The following AXDND1 variants were observed in gnomAD, a reference collection of about 807,000 sequenced individuals.
The protein encoded by AXDND1 is axonemal dynein light chain domain containing 1.
A neutral mutation model predicts 137.5 loss-of-function variants in AXDND1; 110 were observed. The observed-to-expected ratio is 0.80, with a 90% CI of 0.69 to 0.94. The LOEUF is 0.94. Among genes scored for constraint, AXDND1 ranks in the 40% least tolerant of loss-of-function variants. The probability of loss-of-function intolerance (pLI) is 0.00; values close to 1 mark genes in which losing one functional copy is unlikely to be tolerated. For missense variants in AXDND1, 1,191 were observed against 1,169.8 expected (o/e 1.02, Z -0.26); for synonymous variants, 414 against 399.7 (o/e 1.04, Z -0.43).
intron 12 of AXDND1, among the ~76,000 whole-genome samples, chr1:179,411,671 C>CT (rs11298764): frequency 6.7e-5 from 10 of 148,570 alleles, no homozygotes; most frequent in East Asian, 6.0e-4. Flanking sequence ...AATTAAGGGT[C>CT]TTTTTTTTTT....
rs189689876 is a variant in AXDND1, at chr1:179,427,194, A to C, written c.1231-2324A>C. Among the ~76,000 whole-genome samples the C allele has an allele frequency of 2.5e-3, 380 of 152,194 alleles. 3 individuals carry two copies. The highest frequency in any genetic ancestry group is 2.3e-3 in the East Asian group (12 of 5,186). On this transcript the variant is annotated intron_variant, in intron 12 of 25. Coordinates refer to ENST00000367618, the MANE Select transcript of AXDND1 (RefSeq NM_144696.6). ...AAAAACAAGAACAAAAACAAACAAAAAAAAACTATATATAGTTTAGTTTAT... is the reference window on the plus strand; with the variant it reads ...AAAAACAAGAACAAAAACAAACAAACAAAAACTATATATAGTTTAGTTTAT...
chr1:179,537,448 A>G (rs1671662641), intron 25 of AXDND1, among the ~76,000 whole-genome samples: 1 of 152,204 alleles, frequency 6.6e-6, no homozygotes, highest in Non-Finnish European at 1.5e-5. Flanking sequence ...CTATTGAGAT[A>G]ATCATGTGGT....
chr1:179,411,116 A>G, intron 11 of AXDND1, 30 bp from the exon 12 acceptor site: 1 of 1,494,158 alleles, frequency 6.7e-7, no homozygotes. Flanking sequence ...GTATAAATTA[A>G]ATGAAGCTGT....
intron 16 of AXDND1, chr1:179,447,796 C>T: frequency 7.7e-7 from 1 of 1,296,662 alleles, no homozygotes; most frequent in South Asian, 1.2e-5. Context: ...CACTGGGCTG[C>T]TTCCAGTTCC....
Position 179,411,266 on chromosome 1 carries a change from G to T in AXDND1, c.1230G>T (p.Lys410Asn), listed in dbSNP as rs1283266330. Residue 410 changes from lysine to asparagine, a missense_variant and splice_region_variant, in exon 12 of 26, where the codon AAG becomes AAT. Lys to Asn is a moderately conservative substitution (Grantham distance 94). Coordinates refer to ENST00000367618, the MANE Select transcript of AXDND1 (RefSeq NM_144696.6). ...WSSATYELALKVIERNRVILA... is the reference protein window; with the variant it reads ...WSSATYELALNVIERNRVILA... Reference sequence around the variant, plus strand: ...CAGCCACATATGAATTGGCCCTGAAGGTTAGTTCATCTGGATTCACAACTC... The same window carrying T: ...CAGCCACATATGAATTGGCCCTGAATGTTAGTTCATCTGGATTCACAACTC... 6.2e-7 allele frequency: 1 copy of T among 1,605,588 alleles called. No homozygotes were observed. Among genetic ancestry groups the T allele is most frequent in the Non-Finnish European group, 8.5e-7 (1 of 1,177,692 alleles).
chr1:179,546,112 CAA>C (rs1012622065), intron 25 of AXDND1: 3 of 152,094 alleles, frequency 2.0e-5, no homozygotes, highest in African/African-American at 7.2e-5. Context: ...CTCAAAGTCC[CAA>C]GAGAGAGAAA....
intron 12 of AXDND1, among the ~76,000 whole-genome samples, chr1:179,422,125 T>C (rs1221678568): frequency 1.3e-5 from 2 of 152,144 alleles, no homozygotes; most frequent in African/African-American, 4.8e-5. Flanking sequence ...ATTTCTGCTG[T>C]TATCTGTATT....
chr1:179,435,125 C>T (rs952411406), intron 15 of AXDND1, among the ~76,000 whole-genome samples: 23 of 152,186 alleles, frequency 1.5e-4, no homozygotes, highest in African/African-American at 4.6e-4. Flanking sequence ...CCTAGGAATA[C>T]AGCCAATAAG....
At chr1:179,405,654 A>G (rs1346356118) in intron 11 of AXDND1, among the ~76,000 whole-genome samples, 1 of 152,022 alleles carries the variant, frequency 6.6e-6, no homozygotes, top group Non-Finnish European at 1.5e-5. Context: ...AGGTATTCCA[A>G]TTTGTTAGTG....
intron 3 of AXDND1, among the ~76,000 whole-genome samples, chr1:179,369,252 A>G (rs1293712144): frequency 6.6e-6 from 1 of 151,632 alleles, no homozygotes; most frequent in African/African-American, 2.4e-5. Context: ...TAATTTTTGT[A>G]TTTTTCATAG....
At chr1:179,461,449 T>C (rs976444587) in intron 16 of AXDND1, among the ~76,000 whole-genome samples, 3 of 152,226 alleles carry the variant, frequency 2.0e-5, no homozygotes, top group African/African-American at 7.2e-5. Flanking sequence ...TTTTGGTTAC[T>C]GTAGCCTTGT....
intron 20 of AXDND1, among the ~76,000 whole-genome samples, chr1:179,503,772 G>T (rs1443122041): frequency 6.6e-6 from 1 of 151,676 alleles, no homozygotes; most frequent in Non-Finnish European, 1.5e-5. Context: ...TGTTCTCATT[G>T]TTCAATTCCC....
chr1:179,464,084 G>A (rs900085975), intron 16 of AXDND1, among the ~76,000 whole-genome samples: 5 of 152,120 alleles, frequency 3.3e-5, no homozygotes, highest in African/African-American at 1.2e-4. Flanking sequence ...TTGCCAGTCT[G>A]TGTCTTTTAA....
chr1:179,389,010 C>CTT (rs10682500), intron 9 of AXDND1, among the ~76,000 whole-genome samples: 135,821 of 135,962 alleles, frequency 1, 67,841 homozygotes, highest in Middle Eastern at 1. Context: ...GAGTTTCACT[C>CTT]GTCACCCAGG....
rs371172897 is a variant in AXDND1 at position 179,534,794 on chromosome 1, C to G, written c.2863C>G (p.His955Asp). 1.2e-6 allele frequency: 2 copies of G among 1,606,300 alleles called. No homozygotes were observed. Among genetic ancestry groups the G allele is most frequent in the African/African-American group, 1.3e-5 (1 of 74,414 alleles). ...TGAAGATGCATATGAGAAACTTCAT[C>G]ATACCCTTATAAAAAATAAAGATCT... Reference protein sequence around the residue: ...KFEDAYEKLHHTLIKNKDLEE... With the variant: ...KFEDAYEKLHDTLIKNKDLEE... The change falls in exon 25 of 26, where the codon CAT (histidine) becomes GAT (aspartate). Residue 955 changes from histidine (H) to aspartate (D), a missense_variant. Coordinates refer to ENST00000367618, the MANE Select transcript of AXDND1 (RefSeq NM_144696.6).
In AXDND1 at chr1:179,551,449, C is replaced by T. The variant is rs749231563; in HGVS notation, c.3032-3063C>T. The T allele has an allele frequency of 2.7e-5, 43 of 1,613,124 alleles. No individual in the cohort carries two copies. Among genetic ancestry groups the T allele is most frequent in the Non-Finnish European group, 3.4e-5 (40 of 1,180,026 alleles). ...CAGCCTTTTCCGCTTCTGCAGCAAT[C>T]ATCTAGAAAACATGTGACGAAAGCA... On this transcript the variant is annotated intron_variant, in intron 25 of 25. Coordinates refer to ENST00000367618, the MANE Select transcript of AXDND1 (RefSeq NM_144696.6).
chr1:179,491,702 A>G lies in AXDND1; in HGVS notation c.2256A>G (p.Thr752=), dbSNP rs1397972046. The change falls in exon 19 of 26, where the codon ACA becomes ACG. Residue 752 remains threonine, a synonymous_variant. Transcript: ENST00000367618. Reference sequence around the variant, plus strand: ...TGGAGCTAGATGCGATTGAACTGACAAGGAAGTTGTACCAATACTCCAGCT... The same window carrying G: ...TGGAGCTAGATGCGATTGAACTGACGAGGAAGTTGTACCAATACTCCAGCT... ...ARLELDAIEL[T]RKLYQYSSYL... 1.3e-6 allele frequency: 2 copies of G among 1,591,580 alleles called. No homozygotes were observed. Among genetic ancestry groups the G allele is most frequent in the Middle Eastern group, 1.7e-4 (1 of 5,966 alleles).
Position 179,491,555 on chromosome 1 carries a change from A to G in AXDND1, c.2109A>G (p.Ile703Met). 1 of 1,606,132 alleles carries G rather than the reference A, an allele frequency of 6.2e-7. No individual in the cohort carries two copies. Among genetic ancestry groups the G allele is most frequent in the Non-Finnish European group, 8.5e-7 (1 of 1,173,100 alleles). ...ELQHHMDELH[I>M]SMIQWMVNLL... The stretch of plus-strand genomic sequence containing the variant: ...TTTAACAGATGGATGAGTTACATAT[A>G]TCTATGATCCAGTGGATGGTAAACT... The change falls in exon 19 of 26, where the codon ATA becomes ATG. Residue 703 changes from isoleucine to methionine, a missense_variant. Coordinates refer to ENST00000367618, the MANE Select transcript of AXDND1 (RefSeq NM_144696.6).
chr1:179,458,863 A>G (rs574023207), intron 16 of AXDND1, among the ~76,000 whole-genome samples: 125 of 144,760 alleles, frequency 8.6e-4, no homozygotes, highest in Non-Finnish European at 1.3e-3. Context: ...CAACATTTTT[A>G]TTTTTTTTTT....
Sources: gnomAD v4.1 joint callset for allele counts (sites outside exome capture counted in the v4.1 genomes callset) on GRCh38, gnomAD v4.1.1 for gene constraint, MANE v1.5 for transcripts, NCBI Gene and HGNC (gene_info 2026-07-23, HGNC 2026-07-21) for gene names.